The following ZCCHC7 variants were observed in gnomAD, a reference collection of about 807,000 sequenced individuals.
ZCCHC7 encodes the protein zinc finger CCHC domain-containing protein 7.
A neutral mutation model predicts 52.0 loss-of-function variants in ZCCHC7; 35 were observed. The ratio of observed to expected loss-of-function variants is 0.67; its 90% CI spans 0.51 to 0.89. The LOEUF is 0.89. ZCCHC7 is among the 40% of genes least tolerant of loss of function. The probability of loss-of-function intolerance (pLI) is 0.00; values close to 1 mark genes in which losing one functional copy is unlikely to be tolerated. For missense variants in ZCCHC7, 574 were observed against 649.1 expected, an observed-to-expected ratio of 0.88 and a Z score of 1.26; for synonymous variants, 217 against 221.5, an observed-to-expected ratio of 0.98 and a Z score of 0.18.
chr9:37,247,900 CA>C (rs1424444625), intron 2 of ZCCHC7, among the ~76,000 whole-genome samples: 2 of 150,906 alleles, frequency 1.3e-5, no homozygotes, highest in Non-Finnish European at 3.0e-5. Flanking sequence ...GACCCTGTCT[CA>C]AAAAAAGTAA....
chr9:37,318,956 AAAAAG>A (rs1255602541), intron 5 of ZCCHC7, among the ~76,000 whole-genome samples: 1 of 152,112 alleles, frequency 6.6e-6, no homozygotes, highest in South Asian at 2.1e-4. Context: ...AAAAAAAAAA[AAAAAG>A]AGTAAAATAT....
intron 2 of ZCCHC7, among the ~76,000 whole-genome samples, chr9:37,145,194 T>C (rs902892749): frequency 2.0e-5 from 3 of 151,974 alleles, no homozygotes; most frequent in Non-Finnish European, 4.4e-5. Flanking sequence ...AGCAGTACTT[T>C]TAAATTCATT....
At chr9:37,356,800 T>A in intron 8 of ZCCHC7, 35 bp from the exon 9 acceptor site, 1 of 1,547,292 alleles carries the variant, frequency 6.5e-7, no homozygotes, top group South Asian at 1.3e-5. Context: ...ACTGTTTAGC[T>A]GCTGAATATG....
At chr9:37,144,635 G>T (rs1452707653) in intron 2 of ZCCHC7, among the ~76,000 whole-genome samples, 4 of 151,786 alleles carry the variant, frequency 2.6e-5, no homozygotes, top group African/African-American at 9.7e-5. Context: ...TTCCTTTCAG[G>T]AATGTGTTAC....
chr9:37,164,919 G>A (rs1821336531), intron 2 of ZCCHC7, among the ~76,000 whole-genome samples: 2 of 152,132 alleles, frequency 1.3e-5, no homozygotes, highest in Admixed American at 1.3e-4. Flanking sequence ...AGTGTGGTGG[G>A]GGGTGAATTG....
intron 2 of ZCCHC7, among the ~76,000 whole-genome samples, chr9:37,252,618 GA>G (rs925925275): frequency 7.9e-5 from 12 of 152,172 alleles, no homozygotes; most frequent in Admixed American, 2.0e-4. Context: ...AGTGAAATTT[GA>G]AGTGTAACTA....
At chr9:37,233,243 C>A (rs1825490290) in intron 2 of ZCCHC7, among the ~76,000 whole-genome samples, 1 of 152,040 alleles carries the variant, frequency 6.6e-6, no homozygotes, top group South Asian at 2.1e-4. Flanking sequence ...TAAGCTTGTT[C>A]TTGTTTTTAT....
chr9:37,222,086 G>T (rs976055503), intron 2 of ZCCHC7, among the ~76,000 whole-genome samples: 3 of 152,038 alleles, frequency 2.0e-5, no homozygotes, highest in African/African-American at 7.2e-5. Context: ...ATTTTAAGTG[G>T]ATGAAGAGAC....
chr9:37,150,527 A>G (rs1226278484), intron 2 of ZCCHC7, among the ~76,000 whole-genome samples: 3 of 152,242 alleles, frequency 2.0e-5, no homozygotes, highest in Non-Finnish European at 2.9e-5. Flanking sequence ...ATTGTATCAC[A>G]GAAGAGGGCA....
rs543771145 is a variant in ZCCHC7 at position 37,239,985 on chromosome 9, A to G, written c.611-62203A>G. ...TAAAATAAAAAGGAAAATGTTTGAC[A>G]GTTTCCCTGGGTAAGCTGCGAGGCA... On this transcript the variant is annotated intron_variant, in intron 2 of 8. Coordinates refer to ENST00000336755, the MANE Select transcript of ZCCHC7 (RefSeq NM_032226.3). Among the ~76,000 whole-genome samples the G allele has an allele frequency of 3.3e-5, 5 of 152,218 alleles. No homozygotes were observed. In the South Asian group the frequency reaches 1.0e-3, roughly 32 times the overall value.
intron 2 of ZCCHC7, among the ~76,000 whole-genome samples, chr9:37,285,653 T>G (rs1193911205): frequency 1.3e-5 from 2 of 152,210 alleles, no homozygotes; most frequent in East Asian, 3.8e-4. Flanking sequence ...CAATCAATAC[T>G]TACTAGTTGC....
At chr9:37,167,265 T>A (rs1055696643) in intron 2 of ZCCHC7, among the ~76,000 whole-genome samples, 1 of 151,904 alleles carries the variant, frequency 6.6e-6, no homozygotes, top group Non-Finnish European at 1.5e-5. Context: ...TTTCCTTTTT[T>A]TTTTTTTCTT....
chr9:37,159,999 A>G (rs1821008576), intron 2 of ZCCHC7: 1 of 152,224 alleles, frequency 6.6e-6, no homozygotes, highest in Non-Finnish European at 1.5e-5. Flanking sequence ...AACATTAAAC[A>G]TTAGGACCTT....
At chr9:37,353,437 A>G (rs2118676605) in intron 7 of ZCCHC7, among the ~76,000 whole-genome samples, 1 of 152,318 alleles carries the variant, frequency 6.6e-6, no homozygotes, top group South Asian at 2.1e-4. Flanking sequence ...TAAAACTTAC[A>G]TCACTGTTCA....
At chr9:37,198,756 TAGA>T (rs775643348) in intron 2 of ZCCHC7, among the ~76,000 whole-genome samples, 15 of 152,180 alleles carry the variant, frequency 9.9e-5, no homozygotes, top group Non-Finnish European at 1.2e-4. Flanking sequence ...AGGGAAGAGG[TAGA>T]GGAGGAGATA....
intron 7 of ZCCHC7, among the ~76,000 whole-genome samples, chr9:37,349,741 G>A (rs1821248701): frequency 6.6e-6 from 1 of 152,062 alleles, no homozygotes; most frequent in African/African-American, 2.4e-5. Flanking sequence ...CAGTTCTCAT[G>A]AGTTCTTACA....
At chr9:37,237,714 T>A (rs1006757972) in intron 2 of ZCCHC7, among the ~76,000 whole-genome samples, 1 of 152,192 alleles carries the variant, frequency 6.6e-6, no homozygotes, top group African/African-American at 2.4e-5. Flanking sequence ...AGAAGAGATG[T>A]GACATGCAAG....
At chr9:37,268,946 T>C (rs1827252418) in intron 2 of ZCCHC7, among the ~76,000 whole-genome samples, 1 of 152,228 alleles carries the variant, frequency 6.6e-6, no homozygotes, top group Admixed American at 6.5e-5. Context: ...TATGAGAGTG[T>C]ATAATATTCT....
At chr9:37,321,656 C>T (rs998684087) in intron 5 of ZCCHC7, among the ~76,000 whole-genome samples, 2 of 152,058 alleles carry the variant, frequency 1.3e-5, no homozygotes, top group African/African-American at 4.8e-5. Context: ...CCTAACTACT[C>T]TGGAGGCTGA....
Sources: gnomAD v4.1 joint callset for allele counts (sites outside exome capture counted in the v4.1 genomes callset) on GRCh38, gnomAD v4.1.1 for gene constraint, MANE v1.5 for transcripts, NCBI Gene and HGNC (gene_info 2026-07-23, HGNC 2026-07-21) for gene names.